The following FAHD2B variants were observed in gnomAD, a reference collection of about 807,000 sequenced individuals.
The protein encoded by FAHD2B is oxaloacetate tautomerase FAHD2B, mitochondrial.
A neutral mutation model predicts 33.7 loss-of-function variants in FAHD2B; 26 were observed. The observed-to-expected ratio is 0.77, with a 90% CI of 0.57 to 1.07. FAHD2B has a LOEUF of 1.07. Ranked by LOEUF, FAHD2B falls within the 50% of genes least tolerant of loss-of-function variation. The pLI, the probability that FAHD2B is intolerant of heterozygous loss-of-function variation, is 0.00. For missense variants in FAHD2B, 272 were observed against 388.1 expected (o/e 0.70, Z 2.51); for synonymous variants, 108 against 150.9 (o/e 0.72, Z 2.08).
At position 97,085,876 on chromosome 2, in the gene FAHD2B, G is replaced by A; in HGVS notation, c.523-15C>T. ...GCATCTGTGGCCTATGGGGGCAGGGGATTTGGCCATACAGGAGGTTAGATC... is the reference window on the plus strand; with the variant it reads ...GCATCTGTGGCCTATGGGGGCAGGGAATTTGGCCATACAGGAGGTTAGATC... On this transcript the variant is annotated splice_polypyrimidine_tract_variant and intron_variant, in intron 5 of 8. Coordinates refer to ENST00000414820, the MANE Select transcript of FAHD2B (RefSeq NM_001320848.2). The A allele has an allele frequency of 6.2e-7, 1 of 1,613,746 alleles. No individual in the cohort carries two copies. Among genetic ancestry groups the A allele is most frequent in the Non-Finnish European group, 8.5e-7 (1 of 1,179,784 alleles).
chr2:97,083,522 A>T, downstream of FAHD2B: 1 of 885,982 alleles, frequency 1.1e-6, no homozygotes, highest in South Asian at 1.8e-5. Context: ...CAGTCCCACA[A>T]AATGCCCCAA....
At chr2:97,091,137 C>T (rs1422060005) in intron 3 of FAHD2B, among the ~76,000 whole-genome samples, 1 of 78,892 alleles carries the variant, frequency 1.3e-5, no homozygotes, top group African/African-American at 3.5e-5. Context: ...CCTTTTAGGA[C>T]CCCCGGGCCC....
At chr2:97,081,886 C>A (rs2031656224), downstream of FAHD2B, 4 of 573,026 alleles carry the variant, frequency 7.0e-6, no homozygotes, top group African/African-American at 2.1e-5. Context: ...CTCTGGCCAT[C>A]CTCTTGGGTC....
chr2:97,083,840 G>C lies in FAHD2B; in HGVS notation c.883-23C>G, dbSNP rs79104935. Reference sequence around the variant, plus strand: ...CTTCTGCAACAGAGCAGGCCATGACGGTGTCAGCCCTTCCGTCAGACACAT... The same window carrying C: ...CTTCTGCAACAGAGCAGGCCATGACCGTGTCAGCCCTTCCGTCAGACACAT... On this transcript the variant is annotated intron_variant, in intron 8 of 8. Transcript: ENST00000414820. 169 of 1,594,440 alleles carry C rather than the reference G, an allele frequency of 1.1e-4. 1 individual carries two copies. In the East Asian group the frequency reaches 2.2e-3, roughly 20 times the overall value.
chr2:97,085,777 T>A lies in FAHD2B; in HGVS notation c.607A>T (p.Lys203Ter). 1 of 1,613,810 alleles carries A rather than the reference T, an allele frequency of 6.2e-7. No homozygotes were observed. The highest frequency in any genetic ancestry group is 2.2e-5 in the East Asian group (1 of 44,876). ...ARDWLTRRNGKQWLLGKTFDT... is the reference protein window; with the variant it reads ...ARDWLTRRNG ...AAGGTTTTTCCCAGCAGCCACTGTTTCCCATTGCGTCTTGTTAGCCAGTCA... is the reference window on the plus strand; with the variant it reads ...AAGGTTTTTCCCAGCAGCCACTGTTACCCATTGCGTCTTGTTAGCCAGTCA... Residue 203 changes from lysine to a stop codon, truncating the protein, a stop_gained, in exon 6 of 9, where the codon AAA (lysine) becomes TAA (stop). Coordinates refer to ENST00000414820, the MANE Select transcript of FAHD2B (RefSeq NM_001320848.2). LOFTEE classifies it high-confidence loss of function.
intron 4 of FAHD2B, among the ~76,000 whole-genome samples, chr2:97,089,517 CAAAAA>C (rs544124576): frequency 1.6e-5 from 1 of 61,740 alleles, no homozygotes. Flanking sequence ...GACTCTGTCT[CAAAAA>C]AAAAAAAAAA....
rs1215960780 is a variant in FAHD2B at position 97,083,696 on chromosome 2, T to C, written c.*59A>G. On this transcript the variant is annotated 3_prime_UTR_variant, in exon 9 of 9. Coordinates refer to ENST00000414820, the MANE Select transcript of FAHD2B (RefSeq NM_001320848.2). ...CCACACCTGCCACTGGGCCTTTCCC[T>C]GGGCTAGGCTGAGTGGGAGCAGATG... The C allele has an allele frequency of 1.9e-6, 3 of 1,613,696 alleles. No individual in the cohort carries two copies. The highest frequency in any genetic ancestry group is 2.5e-6 in the Non-Finnish European group (3 of 1,179,958).
downstream of FAHD2B, among the ~76,000 whole-genome samples, chr2:97,080,610 T>TC (rs1320188009): frequency 4.8e-4 from 73 of 152,210 alleles, no homozygotes; most frequent in African/African-American, 1.7e-3. Flanking sequence ...TATTTTTTTT[T>TC]CTATTTCTGT....
chr2:97,081,423 G>A (rs2031640326), downstream of FAHD2B: 1 of 1,552,452 alleles, frequency 6.4e-7, no homozygotes, highest in African/African-American at 1.5e-5. Context: ...CCACATGGGT[G>A]CCTTTTTCTC....
chr2:97,083,170 G>A (rs1351516797), downstream of FAHD2B: 1 of 1,598,458 alleles, frequency 6.3e-7, no homozygotes. Context: ...GAGCCCTGCA[G>A]GCCCCAGGCT....
intron 2 of FAHD2B, 42 bp downstream of exon 2, chr2:97,091,821 C>T: frequency 6.8e-7 from 1 of 1,477,070 alleles, no homozygotes; most frequent in Middle Eastern, 1.8e-4. Context: ...ATCAACCGTT[C>T]CCTGCATACC....
chr2:97,083,624 C>T lies in FAHD2B; in HGVS notation c.*131G>A, dbSNP rs1224278989. 1.4e-6 allele frequency: 2 copies of T among 1,429,836 alleles called. No individual in the cohort carries two copies. The highest frequency in any genetic ancestry group is 2.4e-4 in the Middle Eastern group (1 of 4,238). The allele number at this position is 1,429,836 out of a possible 1,614,324, so 88.6% of individuals were successfully genotyped here. On this transcript the variant is annotated 3_prime_UTR_variant, in exon 9 of 9. Transcript: ENST00000414820. ...CGCATTTATTGAAGAGAGCTCTGTC[C>T]TTCTCCCTTCTACCGAGAAGAGGCG...
intron 3 of FAHD2B, among the ~76,000 whole-genome samples, chr2:97,090,568 C>G (rs1471852476): frequency 6.6e-6 from 1 of 152,082 alleles, no homozygotes; most frequent in Non-Finnish European, 1.5e-5. Context: ...GTAAAAGATA[C>G]AAACTGGAAT....
At chr2:97,084,068 G>C (rs997920413) in intron 7 of FAHD2B, 33 bp from the exon 8 acceptor site, 12 of 1,613,220 alleles carry the variant, frequency 7.4e-6, no homozygotes, top group Non-Finnish European at 1.0e-5. Flanking sequence ...AGTGAGACCA[G>C]GGGCTGGCTG....
In FAHD2B at chr2:97,091,963, G is replaced by C; in HGVS notation, c.-107C>G. On this transcript the variant is annotated 5_prime_UTR_variant, in exon 2 of 9. Coordinates refer to ENST00000414820, the MANE Select transcript of FAHD2B (RefSeq NM_001320848.2). Reference sequence around the variant, plus strand: ...AGCGTTCCTTCAACCAGTGCTTTCTGAAAGTTCCCACTGTGCTTGGCTCTG... The same window carrying C: ...AGCGTTCCTTCAACCAGTGCTTTCTCAAAGTTCCCACTGTGCTTGGCTCTG... The C allele has an allele frequency of 2.2e-6, 1 of 449,840 alleles. No homozygotes were observed. Among genetic ancestry groups the C allele is most frequent in the Non-Finnish European group, 4.0e-6 (1 of 252,342 alleles). 27.9% of individuals were successfully genotyped at this position (449,840 alleles called of 1,614,324 possible). A position where few individuals can be genotyped will look rare whatever the true frequency, so the allele number is the denominator to read the frequency against.
At chr2:97,080,472 C>A (rs1257096), downstream of FAHD2B, among the ~76,000 whole-genome samples, 89,214 of 151,862 alleles carry the variant, frequency 0.59, 30,651 homozygotes, top group Non-Finnish European at 0.79. Flanking sequence ...CAGTGCCATG[C>A]TGCTTTGGTT....
At chr2:97,089,894 T>C in intron 4 of FAHD2B, 1 of 613,982 alleles carries the variant, frequency 1.6e-6, no homozygotes, top group Non-Finnish European at 2.9e-6. Flanking sequence ...ATCTCTGTTT[T>C]ATCTACAGTG....
Position 97,084,633 on chromosome 2 carries a change from C to T in FAHD2B, c.686-356G>A, listed in dbSNP as rs188091748. 9.2e-4 allele frequency among the ~76,000 whole-genome samples: 140 copies of T among 152,170 alleles called. 1 individual carries two copies. Among genetic ancestry groups the T allele is most frequent in the Admixed American group, 5.4e-3 (82 of 15,256 alleles). On this transcript the variant is annotated intron_variant, in intron 6 of 8. Coordinates refer to ENST00000414820, the MANE Select transcript of FAHD2B (RefSeq NM_001320848.2). ...AAAATGACTCCCGGGCAGGGCCAAGCGTGGTGGCTCACACCTGTAATCATA... is the reference window on the plus strand; with the variant it reads ...AAAATGACTCCCGGGCAGGGCCAAGTGTGGTGGCTCACACCTGTAATCATA...
chr2:97,094,294 C>A (rs2032531399), intron 1 of FAHD2B, among the ~76,000 whole-genome samples: 1 of 151,160 alleles, frequency 6.6e-6, no homozygotes, highest in South Asian at 2.1e-4. Flanking sequence ...AGGTAAAGCG[C>A]CCTCACTTTA....
Sources: allele counts gnomAD v4.1 joint callset (sites outside exome capture counted in the v4.1 genomes callset), GRCh38; gene constraint gnomAD v4.1.1; transcripts MANE v1.5; gene names NCBI Gene and HGNC (gene_info 2026-07-23, HGNC 2026-07-21).